KCND3: variants seen among roughly 807,000 people sequenced by gnomAD.
KCND3 encodes A-type voltage-gated potassium channel KCND3.
A neutral mutation model predicts 51.1 loss-of-function variants in KCND3; 9 were observed. The observed-to-expected ratio is 0.18, with a 90% CI of 0.11 to 0.31. The LOEUF (loss-of-function observed/expected upper bound fraction) is 0.31. Ranked by LOEUF, KCND3 falls within the 10% of genes least tolerant of loss-of-function variation. The pLI is 1.00. For synonymous variants in KCND3, 349 were observed against 368.0 expected, an observed-to-expected ratio of 0.95 and a Z score of 0.59; for missense variants, 526 against 903.8, an observed-to-expected ratio of 0.58 and a Z score of 5.36.
Position 111,807,503 on chromosome 1 carries a change from C to T in KCND3, c.1107-20397G>A, listed in dbSNP as rs187681842. On this transcript the variant is annotated intron_variant, in intron 2 of 7. Coordinates refer to ENST00000302127, the MANE Select transcript of KCND3 (RefSeq NM_001378969.1). ...CCAGCCTGGCCAACATGGTGAAACC[C>T]CATCTCTACAAAAAATACAAAAAAT... Among the ~76,000 whole-genome samples, 322 of 152,210 alleles carry T rather than the reference C, an allele frequency of 2.1e-3. 5 individuals are homozygous for T. Among genetic ancestry groups the T allele is most frequent in the African/African-American group, 7.2e-3 (297 of 41,514 alleles).
intron 2 of KCND3, among the ~76,000 whole-genome samples, chr1:111,929,363 G>C (rs1488778881): frequency 6.6e-6 from 1 of 152,198 alleles, no homozygotes; most frequent in Non-Finnish European, 1.5e-5. Context: ...AGCCATGGAG[G>C]GTGGTAGGTA....
rs1283647084 is a variant in KCND3, at chr1:111,777,265, C to T, written c.1527G>A (p.Glu509=). 2 of 1,614,160 alleles carry T rather than the reference C, an allele frequency of 1.2e-6. No individual in the cohort carries two copies. The highest frequency in any genetic ancestry group is 1.1e-5 in the South Asian group (1 of 91,078). ...SVRTSTIKNH[E]FIDEQMFEQN... is the part of the protein sequence containing the mutation. ...GCTCAAACATCTGCTCATCAATAAACTCGTGGTTCTGCGGGAGGCAGAAGG... is the reference window on the plus strand; with the variant it reads ...GCTCAAACATCTGCTCATCAATAAATTCGTGGTTCTGCGGGAGGCAGAAGG... The change falls in exon 7 of 8, where the codon GAG becomes GAA. Residue 509 remains glutamate (E), a synonymous_variant. Transcript: ENST00000302127.
At chr1:111,836,213 A>AAT (rs1408167553) in intron 2 of KCND3, among the ~76,000 whole-genome samples, 24 of 152,312 alleles carry the variant, frequency 1.6e-4, no homozygotes, top group African/African-American at 5.5e-4. Context: ...GAACCAAGTC[A>AAT]TGGGTACTGT....
intron 2 of KCND3, among the ~76,000 whole-genome samples, chr1:111,822,394 A>G (rs2169815): frequency 0.52 from 78,802 of 151,938 alleles, 22,805 homozygotes; most frequent in Non-Finnish European, 0.64. Flanking sequence ...GCCGGTAACC[A>G]TAATTCCACT....
At chr1:111,801,273 C>T (rs1665295658) in intron 2 of KCND3, among the ~76,000 whole-genome samples, 1 of 152,214 alleles carries the variant, frequency 6.6e-6, no homozygotes, top group African/African-American at 2.4e-5. Context: ...CTGTGCAGCA[C>T]AGGCAGCATT....
At chr1:111,848,784 C>G (rs184343995) in intron 2 of KCND3, among the ~76,000 whole-genome samples, 1 of 152,184 alleles carries the variant, frequency 6.6e-6, no homozygotes, top group African/African-American at 2.4e-5. Context: ...TAAGACCTGA[C>G]GTTGTAGGGC....
intron 2 of KCND3, among the ~76,000 whole-genome samples, chr1:111,886,940 G>A (rs997672550): frequency 2.0e-5 from 3 of 152,196 alleles, no homozygotes; most frequent in Non-Finnish European, 4.4e-5. Flanking sequence ...ATGCTCTGAG[G>A]AAATTCTTGG....
intron 2 of KCND3, among the ~76,000 whole-genome samples, chr1:111,844,207 CA>C (rs1667451739): frequency 6.6e-6 from 1 of 152,196 alleles, no homozygotes; most frequent in South Asian, 2.1e-4. Context: ...GAGATGAAAG[CA>C]AATTGGACAC....
intron 2 of KCND3, among the ~76,000 whole-genome samples, chr1:111,898,216 C>A (rs189191776): frequency 1.4e-3 from 209 of 145,804 alleles, no homozygotes; most frequent in Middle Eastern, 6.9e-3. Flanking sequence ...GGACTCTATT[C>A]ATTTTAGCTC....
At chr1:111,878,791 T>C (rs1293975841) in intron 2 of KCND3, among the ~76,000 whole-genome samples, 3 of 152,192 alleles carry the variant, frequency 2.0e-5, no homozygotes, top group African/African-American at 4.8e-5. Context: ...ATTTTATGTG[T>C]TGACTTGGCT....
chr1:111,896,070 C>T (rs1670095733), intron 2 of KCND3, among the ~76,000 whole-genome samples: 1 of 152,228 alleles, frequency 6.6e-6, no homozygotes, highest in Non-Finnish European at 1.5e-5. Context: ...GCTCCACGCG[C>T]GTTCATTCAC....
At chr1:111,846,151 G>A (rs183536046) in intron 2 of KCND3, among the ~76,000 whole-genome samples, 12 of 152,292 alleles carry the variant, frequency 7.9e-5, no homozygotes, top group African/African-American at 2.6e-4. Context: ...GAGTGAATGA[G>A]GGACTATTTA....
chr1:111,848,129 C>T (rs1005235642), intron 2 of KCND3, among the ~76,000 whole-genome samples: 4 of 152,200 alleles, frequency 2.6e-5, no homozygotes, highest in African/African-American at 4.8e-5. Context: ...TGCCTTGTCT[C>T]GAGCAGCTCG....
chr1:111,892,626 T>G (rs538015931), intron 2 of KCND3, among the ~76,000 whole-genome samples: 34 of 152,334 alleles, frequency 2.2e-4, no homozygotes, highest in African/African-American at 7.0e-4. Flanking sequence ...ATGCAATAAA[T>G]AAATGAACAC....
intron 2 of KCND3, among the ~76,000 whole-genome samples, chr1:111,818,499 T>A (rs1666207976): frequency 6.6e-6 from 1 of 152,224 alleles, no homozygotes; most frequent in Non-Finnish European, 1.5e-5. Flanking sequence ...TTTTCACCTG[T>A]CTGCGAGCCT....
chr1:111,810,567 A>C (rs902026490), intron 2 of KCND3, among the ~76,000 whole-genome samples: 2 of 152,204 alleles, frequency 1.3e-5, no homozygotes, highest in African/African-American at 4.8e-5. Flanking sequence ...CTCAGTGAGA[A>C]TCTATAGCCA....
intron 2 of KCND3, among the ~76,000 whole-genome samples, chr1:111,932,750 C>A (rs1672039289): frequency 2.0e-5 from 3 of 152,218 alleles, no homozygotes. Context: ...TACCCAAAAG[C>A]TGGCCCTGCA....
intron 2 of KCND3, among the ~76,000 whole-genome samples, chr1:111,929,546 CT>C (rs937015050): frequency 6.6e-6 from 1 of 152,208 alleles, no homozygotes; most frequent in African/African-American, 2.4e-5. Flanking sequence ...TTTTTAAGTT[CT>C]TGTCCCAACT....
intron 2 of KCND3, among the ~76,000 whole-genome samples, chr1:111,843,495 C>T (rs1667418322): frequency 6.6e-6 from 1 of 152,200 alleles, no homozygotes; most frequent in African/African-American, 2.4e-5. Flanking sequence ...CTGACTGTTT[C>T]TGCTTCTTTG....
Sources: allele counts gnomAD v4.1 joint callset (sites outside exome capture counted in the v4.1 genomes callset), GRCh38; gene constraint gnomAD v4.1.1; transcripts MANE v1.5; gene names NCBI Gene and HGNC (gene_info 2026-07-23, HGNC 2026-07-21).